The following GPC5 variants were observed in gnomAD, a reference collection of about 807,000 sequenced individuals.
GPC5 encodes glypican 5, also known as glypican-5.
In GPC5, 47 loss-of-function variants were observed where a neutral mutation model predicts 53.9. The ratio of observed to expected loss-of-function variants is 0.87; its 90% confidence interval spans 0.69 to 1.11. The LOEUF (loss-of-function observed/expected upper bound fraction) is 1.11, where lower values mean the gene tolerates loss of function less well. GPC5 is among the 50% of genes most tolerant of loss of function. The probability of loss-of-function intolerance (pLI) is 0.00; values close to 1 mark genes in which losing one functional copy is unlikely to be tolerated. For missense variants in GPC5, 748 were observed against 713.1 expected (o/e 1.05, Z -0.56); for synonymous variants, 286 against 263.3 (o/e 1.09, Z -0.84).
intron 1 of GPC5, among the ~76,000 whole-genome samples, chr13:91,422,708 G>A (rs1327796737): frequency 6.6e-6 from 1 of 152,078 alleles, no homozygotes; most frequent in African/African-American, 2.4e-5. Flanking sequence ...GCTGCATCTG[G>A]TGAGGGCCTT....
intron 7 of GPC5, among the ~76,000 whole-genome samples, chr13:92,756,983 T>A (rs1304142813): frequency 3.3e-5 from 5 of 151,936 alleles, no homozygotes; most frequent in Admixed American, 6.6e-5. Context: ...AAAAACTATT[T>A]TAAAGTTCAT....
Position 92,360,676 on chromosome 13 carries a change from GAA to G in GPC5, c.1561+215689_1561+215690del, listed in dbSNP as rs1351180943. On this transcript the variant is annotated intron_variant, in intron 7 of 7. Transcript: ENST00000377067. Reference sequence around the variant, plus strand: ...AAAATGGCATCCAAGAAGGAAGAGAGAAAGTCAAACCATCCTTGTTTGCAAAT... The same window carrying G: ...AAAATGGCATCCAAGAAGGAAGAGAGAGTCAAACCATCCTTGTTTGCAAAT... 9.2e-5 allele frequency among the ~76,000 whole-genome samples: 14 copies of G among 151,652 alleles called. 2 individuals are homozygous for G. The highest frequency in any genetic ancestry group is 3.4e-4 in the African/African-American group (14 of 40,964).
intron 5 of GPC5, among the ~76,000 whole-genome samples, chr13:91,888,071 A>C (rs897474668): frequency 7.2e-5 from 11 of 152,210 alleles, no homozygotes; most frequent in Non-Finnish European, 1.3e-4. Flanking sequence ...GAGAATGAGT[A>C]ATTTACAGAG....
intron 6 of GPC5, among the ~76,000 whole-genome samples, chr13:91,971,572 G>A (rs1261328086): frequency 1.1e-4 from 16 of 151,704 alleles, no homozygotes; most frequent in African/African-American, 3.6e-4. Context: ...TGTCAATTTT[G>A]GATCTTTCCT....
At chr13:91,482,010 T>C (rs1269532205) in intron 2 of GPC5, among the ~76,000 whole-genome samples, 2 of 152,202 alleles carry the variant, frequency 1.3e-5, no homozygotes, top group African/African-American at 2.4e-5. Context: ...AGGATACTAA[T>C]AGAATATCCC....
intron 7 of GPC5, among the ~76,000 whole-genome samples, chr13:92,570,113 C>T (rs1313662377): frequency 6.6e-6 from 1 of 152,120 alleles, no homozygotes; most frequent in Non-Finnish European, 1.5e-5. Context: ...ATGTTTTATA[C>T]ATGCTTGCTG....
chr13:92,171,429 T>TTAC (rs2042070108), intron 7 of GPC5, among the ~76,000 whole-genome samples: 1 of 152,172 alleles, frequency 6.6e-6, no homozygotes, highest in Non-Finnish European at 1.5e-5. Context: ...CCACTGACTT[T>TTAC]TACTACTTTA....
intron 2 of GPC5, among the ~76,000 whole-genome samples, chr13:91,567,492 G>A (rs935953975): frequency 6.6e-6 from 1 of 152,152 alleles, no homozygotes; most frequent in East Asian, 1.9e-4. Flanking sequence ...CTGAATCAGG[G>A]CAGCCCTGAA....
intron 3 of GPC5, among the ~76,000 whole-genome samples, chr13:91,699,530 G>A (rs954892630): frequency 6.6e-6 from 1 of 152,132 alleles, no homozygotes; most frequent in Non-Finnish European, 1.5e-5. Context: ...CATATGTGGT[G>A]GGTTGATATT....
At chr13:91,786,980 A>G (rs2037890004) in intron 5 of GPC5, among the ~76,000 whole-genome samples, 2 of 150,284 alleles carry the variant, frequency 1.3e-5, no homozygotes, top group South Asian at 4.2e-4. Flanking sequence ...TAAATGGTAC[A>G]ATTACTTTTA....
intron 7 of GPC5, among the ~76,000 whole-genome samples, chr13:92,317,953 T>C (rs1486799923): frequency 6.6e-6 from 1 of 152,208 alleles, no homozygotes; most frequent in African/African-American, 2.4e-5. Flanking sequence ...GTTCAGTGAA[T>C]ACATTATATT....
chr13:92,663,852 CACACTATA>C (rs1886460295), intron 7 of GPC5, among the ~76,000 whole-genome samples: 1 of 87,788 alleles, frequency 1.1e-5, no homozygotes, highest in African/African-American at 4.2e-5. Flanking sequence ...TATACACACA[CACACTATA>C]TATATATATA....
At chr13:92,777,501 G>A (rs1467263986) in intron 7 of GPC5, among the ~76,000 whole-genome samples, 4 of 152,014 alleles carry the variant, frequency 2.6e-5, no homozygotes, top group East Asian at 1.9e-4. Context: ...GGTGGCACCC[G>A]CCTGTATTCC....
At chr13:91,747,777 T>C (rs191539723) in intron 4 of GPC5, among the ~76,000 whole-genome samples, 1 of 152,322 alleles carries the variant, frequency 6.6e-6, no homozygotes, top group Non-Finnish European at 1.5e-5. Flanking sequence ...AAATATCCAC[T>C]GGCAGCCAGT....
intron 7 of GPC5, among the ~76,000 whole-genome samples, chr13:92,751,362 T>A (rs1889394481): frequency 6.9e-6 from 1 of 145,764 alleles, no homozygotes; most frequent in Admixed American, 7.2e-5. Flanking sequence ...AATCTTATTT[T>A]GTTCTAAGTT....
chr13:91,413,378 C>A (rs925751216), intron 1 of GPC5, among the ~76,000 whole-genome samples: 1 of 151,916 alleles, frequency 6.6e-6, no homozygotes, highest in Non-Finnish European at 1.5e-5. Flanking sequence ...ACTTACATAT[C>A]GATTTATGTA....
chr13:92,144,877 G>A lies in GPC5; in HGVS notation c.1449G>A (p.Gln483=). The part of the protein sequence containing the change: ...SPKPDKWELL[Q]LGSGGGMVEQ... The stretch of plus-strand genomic sequence containing the variant: ...AACCTGACAAGTGGGAACTTCTTCA[G>A]CTGGGCAGTGGTGGAGGCATGGTTG... Residue 483 remains glutamine (Q), a synonymous_variant, in exon 7 of 8, where the codon CAG becomes CAA. Coordinates refer to ENST00000377067, the MANE Select transcript of GPC5 (RefSeq NM_004466.6). 1 of 1,611,940 alleles carries A rather than the reference G, an allele frequency of 6.2e-7. No individual in the cohort carries two copies. Among genetic ancestry groups the A allele is most frequent in the East Asian group, 2.2e-5 (1 of 44,654 alleles).
At chr13:92,256,751 C>T (rs556228148) in intron 7 of GPC5, among the ~76,000 whole-genome samples, 1 of 151,342 alleles carries the variant, frequency 6.6e-6, no homozygotes, top group Non-Finnish European at 1.5e-5. Flanking sequence ...ATATTGTTTT[C>T]TTCCATTAAA....
At chr13:92,355,296 A>T (rs1411290276) in intron 7 of GPC5, among the ~76,000 whole-genome samples, 2 of 151,968 alleles carry the variant, frequency 1.3e-5, no homozygotes, top group African/African-American at 2.4e-5. Context: ...AGCTAAAAAA[A>T]AAAAGAGCTC....
Sources: gnomAD v4.1 joint callset for allele counts (sites outside exome capture counted in the v4.1 genomes callset) on GRCh38, gnomAD v4.1.1 for gene constraint, MANE v1.5 for transcripts, NCBI Gene and HGNC (gene_info 2026-07-23, HGNC 2026-07-21) for gene names.